The following SUMF1 variants were observed in gnomAD, a reference collection of about 807,000 sequenced individuals.
SUMF1 encodes formylglycine-generating enzyme.
Under a neutral mutation model 47.6 loss-of-function variants are expected in SUMF1, and 48 were observed. The ratio of observed to expected loss-of-function variants is 1.01; its 90% CI spans 0.80 to 1.28. SUMF1 has a LOEUF of 1.28. Ranked by LOEUF, SUMF1 falls within the 50% of genes most tolerant of loss-of-function variation. The pLI, the probability that SUMF1 is intolerant of heterozygous loss-of-function variation, is 0.00. For missense variants in SUMF1, 571 were observed against 485.4 expected, an observed-to-expected ratio of 1.18 and a Z score of -1.66; for synonymous variants, 230 against 192.1, an observed-to-expected ratio of 1.20 and a Z score of -1.63.
chr3:4,452,246 C>A (rs1703000363), intron 2 of SUMF1, among the ~76,000 whole-genome samples: 1 of 152,008 alleles, frequency 6.6e-6, no homozygotes, highest in Admixed American at 6.6e-5. Flanking sequence ...CATAAACATT[C>A]ATAGACTAGA....
chr3:4,235,425 C>A (rs1387587267), intron 8 of SUMF1, among the ~76,000 whole-genome samples: 1 of 151,884 alleles, frequency 6.6e-6, no homozygotes, highest in African/African-American at 2.4e-5. Flanking sequence ...TGGGAGTCAC[C>A]AGCATATCAA....
At chr3:4,072,238 G>T (rs1695544831) in intron 8 of SUMF1, among the ~76,000 whole-genome samples, 1 of 152,100 alleles carries the variant, frequency 6.6e-6, no homozygotes, top group Non-Finnish European at 1.5e-5. Flanking sequence ...AATACAAGGG[G>T]CCTGACTGTT....
intron 8 of SUMF1, among the ~76,000 whole-genome samples, chr3:4,241,727 T>C (rs1199099355): frequency 6.6e-6 from 1 of 152,178 alleles, no homozygotes; most frequent in Non-Finnish European, 1.5e-5. Flanking sequence ...AGGAAACAGA[T>C]ACCACGAGAA....
At chr3:4,204,532 G>A (rs1695609498) in intron 8 of SUMF1, among the ~76,000 whole-genome samples, 1 of 152,054 alleles carries the variant, frequency 6.6e-6, no homozygotes, top group Non-Finnish European at 1.5e-5. Context: ...TCTAGGTTTG[G>A]TAAGTTATTG....
At chr3:4,187,229 C>T (rs906210133) in intron 8 of SUMF1, among the ~76,000 whole-genome samples, 4 of 152,006 alleles carry the variant, frequency 2.6e-5, no homozygotes, top group Non-Finnish European at 4.4e-5. Context: ...CATTAGCCAG[C>T]GCAATGTCAG....
At chr3:4,349,219 T>A (rs1334413680) in intron 8 of SUMF1, among the ~76,000 whole-genome samples, 3 of 152,156 alleles carry the variant, frequency 2.0e-5, no homozygotes, top group Admixed American at 6.5e-5. Flanking sequence ...CTCAAGACAT[T>A]TATGCAGCCA....
At chr3:4,429,322 T>C (rs1702164138) in intron 3 of SUMF1, among the ~76,000 whole-genome samples, 2 of 152,210 alleles carry the variant, frequency 1.3e-5, no homozygotes, top group South Asian at 4.1e-4. Flanking sequence ...TCCACTTAGG[T>C]TCCTTACATT....
At chr3:4,271,867 G>C (rs1458089309) in intron 8 of SUMF1, among the ~76,000 whole-genome samples, 2 of 151,978 alleles carry the variant, frequency 1.3e-5, no homozygotes, top group African/African-American at 2.4e-5. Context: ...CCCTAAAAAG[G>C]AGTTCCTCGG....
At chr3:4,035,286 A>T (rs1694772802) in intron 9 of SUMF1, among the ~76,000 whole-genome samples, 1 of 152,156 alleles carries the variant, frequency 6.6e-6, no homozygotes, top group Non-Finnish European at 1.5e-5. Context: ...AAGTGTTGGT[A>T]GGGCTAGATT....
intron 8 of SUMF1, among the ~76,000 whole-genome samples, chr3:4,239,411 G>T (rs886853063): frequency 2.6e-5 from 4 of 152,104 alleles, no homozygotes; most frequent in African/African-American, 9.7e-5. Context: ...CATAAGCATG[G>T]AATGTTTTCC....
intron 8 of SUMF1, among the ~76,000 whole-genome samples, chr3:4,201,001 T>G (rs1195341866): frequency 2.0e-5 from 3 of 152,220 alleles, no homozygotes; most frequent in Middle Eastern, 3.4e-3. Context: ...TGTTTGTAAT[T>G]TTTTATAGGT....
At chr3:4,355,036 C>T (rs1189686824) in intron 8 of SUMF1, among the ~76,000 whole-genome samples, 1 of 152,168 alleles carries the variant, frequency 6.6e-6, no homozygotes, top group Non-Finnish European at 1.5e-5. Flanking sequence ...GCTCTCTACC[C>T]ACGATGCTAA....
At chr3:4,174,850 G>T (rs1694922849) in intron 8 of SUMF1, among the ~76,000 whole-genome samples, 1 of 152,192 alleles carries the variant, frequency 6.6e-6, no homozygotes. Context: ...CTATTCCCAA[G>T]GTCTTAGCAA....
chr3:4,078,552 T>C (rs1015086372), intron 8 of SUMF1, among the ~76,000 whole-genome samples: 5 of 151,146 alleles, frequency 3.3e-5, no homozygotes, highest in African/African-American at 4.9e-5. Flanking sequence ...GTGCTAATTA[T>C]ATGCCAGGTG....
intron 8 of SUMF1, among the ~76,000 whole-genome samples, chr3:4,353,367 C>G (rs931426778): frequency 6.6e-6 from 1 of 152,166 alleles, no homozygotes; most frequent in Non-Finnish European, 1.5e-5. Flanking sequence ...ATTCTCCTGC[C>G]TCAGCCTCCC....
At chr3:4,088,462 G>T (rs1003593147) in intron 8 of SUMF1, among the ~76,000 whole-genome samples, 1 of 152,008 alleles carries the variant, frequency 6.6e-6, no homozygotes, top group Non-Finnish European at 1.5e-5. Flanking sequence ...ATCTTAGCAA[G>T]GCCTTCAAGA....
intron 8 of SUMF1, among the ~76,000 whole-genome samples, chr3:4,245,744 C>T (rs1008244167): frequency 2.0e-5 from 3 of 152,132 alleles, no homozygotes; most frequent in Non-Finnish European, 2.9e-5. Flanking sequence ...AGCTTGAATG[C>T]CATGCCGGTA....
intron 8 of SUMF1, among the ~76,000 whole-genome samples, chr3:4,231,577 T>C (rs940391943): frequency 6.6e-6 from 1 of 152,162 alleles, no homozygotes; most frequent in East Asian, 1.9e-4. Flanking sequence ...GCTATCCTAA[T>C]TGCCCCAATG....
chr3:4,271,767 G>A (rs1178345589), intron 8 of SUMF1, among the ~76,000 whole-genome samples: 3 of 152,130 alleles, frequency 2.0e-5, no homozygotes, highest in African/African-American at 7.2e-5. Context: ...CTCCCAAAGT[G>A]CTGGGATTAC....
Sources: gnomAD v4.1 joint callset for allele counts (sites outside exome capture counted in the v4.1 genomes callset) on GRCh38, gnomAD v4.1.1 for gene constraint, MANE v1.5 for transcripts, NCBI Gene and HGNC (gene_info 2026-07-23, HGNC 2026-07-21) for gene names.